PABPC4L: variants seen among roughly 807,000 people sequenced by gnomAD.
PABPC4L encodes poly(A) binding protein cytoplasmic 4 like, also known as polyadenylate-binding protein 4-like.
For synonymous variants in PABPC4L, 169 were observed against 164.1 expected (o/e 1.03, Z -0.23); for missense variants, 452 against 451.4 (o/e 1.00, Z -0.01).
At chr4:134,024,744 A>T in the PABPC4L span, among the ~76,000 whole-genome samples, 4 of 150,058 alleles carry the variant, frequency 2.7e-5, no homozygotes, top group East Asian at 2.0e-4. Flanking sequence ...TTTTTAAAAG[A>T]TTTTTTTTAA....
chr4:134,150,426 G>T, the PABPC4L span, among the ~76,000 whole-genome samples: 2 of 152,064 alleles, frequency 1.3e-5, no homozygotes, highest in Non-Finnish European at 2.9e-5. Context: ...AATAAATATG[G>T]AGTATGTCTT....
At chr4:134,013,116 C>A in the PABPC4L span, among the ~76,000 whole-genome samples, 8 of 152,134 alleles carry the variant, frequency 5.3e-5, no homozygotes, top group Non-Finnish European at 1.2e-4. Flanking sequence ...AACCCCAACC[C>A]CTTCTCTCTG....
the PABPC4L span, among the ~76,000 whole-genome samples, chr4:134,149,509 G>A: frequency 6.6e-6 from 1 of 152,130 alleles, no homozygotes; most frequent in Non-Finnish European, 1.5e-5. Context: ...CCCTCCCATG[G>A]AGATTAGCAG....
At chr4:134,072,356 G>C in the PABPC4L span, among the ~76,000 whole-genome samples, 4 of 152,264 alleles carry the variant, frequency 2.6e-5, no homozygotes, top group Middle Eastern at 3.4e-3. Context: ...CTTTCAGTTA[G>C]TCCTGTGCAA....
At chr4:134,156,159 T>A in the PABPC4L span, among the ~76,000 whole-genome samples, 4 of 151,974 alleles carry the variant, frequency 2.6e-5, no homozygotes, top group East Asian at 5.8e-4. Context: ...ATAATTTACA[T>A]GTTCATTTTA....
the PABPC4L span, among the ~76,000 whole-genome samples, chr4:134,069,505 GTATT>G: frequency 2.0e-5 from 3 of 152,048 alleles, no homozygotes; most frequent in Non-Finnish European, 2.9e-5. Flanking sequence ...TTTTTGGAGA[GTATT>G]TGTTCTTATT....
chr4:134,007,849 C>T, the PABPC4L span, among the ~76,000 whole-genome samples: 1 of 151,516 alleles, frequency 6.6e-6, no homozygotes, highest in African/African-American at 2.4e-5. Flanking sequence ...ATTTTATTGT[C>T]AAAACTATTT....
chr4:134,169,013 G>A, the PABPC4L span, among the ~76,000 whole-genome samples: 2 of 151,972 alleles, frequency 1.3e-5, no homozygotes, highest in African/African-American at 2.4e-5. Flanking sequence ...TGTTGGTTTG[G>A]TGATCAATAT....
the PABPC4L span, among the ~76,000 whole-genome samples, chr4:134,039,884 C>T: frequency 6.6e-6 from 1 of 151,958 alleles, no homozygotes; most frequent in African/African-American, 2.4e-5. Context: ...GATACAATAT[C>T]AATGTCCAAA....
the PABPC4L span, among the ~76,000 whole-genome samples, chr4:134,150,700 T>C: frequency 6.6e-6 from 1 of 152,102 alleles, no homozygotes; most frequent in South Asian, 2.1e-4. Context: ...CAATCCAAGA[T>C]ATGAAACCTC....
chr4:134,144,842 A>G, the PABPC4L span, among the ~76,000 whole-genome samples: 8 of 151,118 alleles, frequency 5.3e-5, no homozygotes, highest in Admixed American at 2.0e-4. Flanking sequence ...TCCTTTTCCA[A>G]TCTGAATCAT....
the PABPC4L span, among the ~76,000 whole-genome samples, chr4:134,082,746 C>T: frequency 4.7e-3 from 714 of 151,966 alleles, 9 homozygotes; most frequent in African/African-American, 0.016. Context: ...ACATCATTAG[C>T]ATATTTTTCC....
At chr4:133,968,305 G>A in the PABPC4L span, among the ~76,000 whole-genome samples, 4 of 152,154 alleles carry the variant, frequency 2.6e-5, no homozygotes, top group African/African-American at 9.7e-5. Flanking sequence ...TCATTTTGTG[G>A]AAACCAGAGG....
At chr4:134,027,972 T>G in the PABPC4L span, among the ~76,000 whole-genome samples, 1 of 152,070 alleles carries the variant, frequency 6.6e-6, no homozygotes, top group African/African-American at 2.4e-5. Flanking sequence ...GTTACTAAGT[T>G]TTTGAGAGAT....
At position 134,201,080 on chromosome 4, in the gene PABPC4L, G is replaced by T. The variant is rs193220413; in HGVS notation, c.-61C>A. The stretch of plus-strand genomic sequence containing the variant: ...AGTTCTTTGAGCAATCCCTGTGGGG[G>T]GATACTAGGTCACAGCTTTGGCCCG... On this transcript the variant is annotated 5_prime_UTR_variant, in exon 2 of 2. Transcript: ENST00000421491. The T allele has an allele frequency of 2.7e-4, 412 of 1,551,256 alleles. 1 individual carries two copies. The East Asian group carries it at 9.8e-3, about 37-fold the overall frequency.
At chr4:134,153,739 C>T in the PABPC4L span, among the ~76,000 whole-genome samples, 1 of 151,190 alleles carries the variant, frequency 6.6e-6, no homozygotes, top group Non-Finnish European at 1.5e-5. Context: ...CCTTGAACTC[C>T]TAGCTCAAGC....
the PABPC4L span, among the ~76,000 whole-genome samples, chr4:134,089,457 G>A: frequency 1.3e-5 from 2 of 151,894 alleles, no homozygotes; most frequent in South Asian, 2.1e-4. Context: ...TTTACATTCT[G>A]GGGTTTAGAC....
At chr4:134,196,110 T>C (rs903166522), downstream of PABPC4L, among the ~76,000 whole-genome samples, 1 of 151,482 alleles carries the variant, frequency 6.6e-6, no homozygotes, top group African/African-American at 2.4e-5. Context: ...AAATAGTTAA[T>C]TATTCCTCAT....
downstream of PABPC4L, among the ~76,000 whole-genome samples, chr4:134,194,358 A>G (rs1437098639): frequency 3.3e-5 from 5 of 151,876 alleles, no homozygotes; most frequent in East Asian, 7.8e-4. Flanking sequence ...GGGAAGTTTC[A>G]TTCTACAGCA....
Sources: allele counts gnomAD v4.1 joint callset (sites outside exome capture counted in the v4.1 genomes callset), GRCh38; gene constraint gnomAD v4.1.1; transcripts MANE v1.5; gene names NCBI Gene and HGNC (gene_info 2026-07-23, HGNC 2026-07-21).